Variants in CAPN7 observed in about 807,000 individuals in gnomAD.
CAPN7 encodes calpain-7.
Under a neutral mutation model 115.2 loss-of-function variants are expected in CAPN7, and 72 were observed. The observed-to-expected ratio is 0.63, with a 90% confidence interval of 0.52 to 0.76. The LOEUF (loss-of-function observed/expected upper bound fraction) is 0.76, where lower values mean the gene tolerates loss of function less well. CAPN7 is among the 30% of genes least tolerant of loss of function. CAPN7 has a pLI of 0.00. For missense variants in CAPN7, 905 were observed against 971.5 expected (o/e 0.93, Z 0.91); for synonymous variants, 344 against 322.3 (o/e 1.07, Z -0.72).
intron 2 of CAPN7, among the ~76,000 whole-genome samples, chr3:15,215,953 G>T (rs775852769): frequency 6.6e-6 from 1 of 152,122 alleles, no homozygotes; most frequent in African/African-American, 2.4e-5. Context: ...AAGCGTGATG[G>T]TGCACACATG....
chr3:15,245,467 A>G, intron 16 of CAPN7, 59 bp from the exon 17 acceptor site: 1 of 1,520,150 alleles, frequency 6.6e-7, no homozygotes, highest in East Asian at 2.3e-5. Context: ...TCCTACATCA[A>G]CCATAAAATT....
chr3:15,229,188 T>G, intron 8 of CAPN7, 129 bp downstream of exon 8: 1 of 638,404 alleles, frequency 1.6e-6, no homozygotes, highest in Non-Finnish European at 2.8e-6. Context: ...CTGTAGAAAT[T>G]AAGCAGATGA....
At chr3:15,230,398 G>A in intron 8 of CAPN7, 44 bp from the exon 9 acceptor site, 1 of 1,273,548 alleles carries the variant, frequency 7.9e-7, no homozygotes, top group Non-Finnish European at 1.1e-6. Flanking sequence ...AGTTGATATT[G>A]AATACTAATG....
At chr3:15,244,817 G>A (rs1261357803) in intron 16 of CAPN7, among the ~76,000 whole-genome samples, 1 of 151,878 alleles carries the variant, frequency 6.6e-6, no homozygotes, top group African/African-American at 2.4e-5. Flanking sequence ...TAGATAAAAT[G>A]TCATATTTGT....
rs199601123 is a variant in CAPN7 at position 15,228,979 on chromosome 3, A to C, written c.858A>C (p.Ile286=). The change falls in exon 8 of 21, where the codon ATA becomes ATC. Residue 286 remains isoleucine (I), a synonymous_variant. Transcript: ENST00000253693. The part of the protein sequence containing the change: ...TVSSFSIKQT[I]VSDCSFVASL... ...TTAATTATTCTTATTAACAGACAAT[A>C]GTATCGGATTGCTCCTTTGTGGCAT... 1.9e-6 allele frequency: 3 copies of C among 1,607,508 alleles called. No individual in the cohort carries two copies. The Admixed American group carries it at 5.0e-5, about 27-fold the overall frequency.
chr3:15,244,314 A>G (rs967207728), intron 16 of CAPN7, among the ~76,000 whole-genome samples: 3 of 152,178 alleles, frequency 2.0e-5, no homozygotes, highest in African/African-American at 7.2e-5. Context: ...AAACTAGCCA[A>G]GCTTTCCTTT....
chr3:15,230,432 C>T lies in CAPN7; in HGVS notation c.939-10C>T, dbSNP rs772506760. 1.3e-6 allele frequency: 2 copies of T among 1,568,250 alleles called. No individual in the cohort carries two copies. Among genetic ancestry groups the T allele is most frequent in the Admixed American group, 1.7e-5 (1 of 59,822 alleles). On this transcript the variant is annotated splice_polypyrimidine_tract_variant and intron_variant, in intron 8 of 20. Transcript: ENST00000253693. The stretch of plus-strand genomic sequence containing the variant: ...TGTTGGTATTTTAATATTTATTTTT[C>T]TTACAAAAGCATAATTTACCCTCAA...
At position 15,232,524 on chromosome 3, in the gene CAPN7, A is replaced by G; in HGVS notation, c.1038A>G (p.Ile346Met). The change falls in exon 10 of 21, where the codon ATA becomes ATG. Residue 346 changes from isoleucine (I) to methionine (M), a missense_variant. Ile to Met is a conservative substitution (Grantham distance 10). Coordinates refer to ENST00000253693, the MANE Select transcript of CAPN7 (RefSeq NM_014296.3). ...TTAATGTTCTCTTTCTCCAGGTGAT[A>G]ATTGATGACCAGTTACCTGTTGATC... ...LHLNGVPRKV[I>M]IDDQLPVDHK... is the part of the protein sequence containing the mutation. 1.2e-6 allele frequency: 2 copies of G among 1,601,798 alleles called. No individual in the cohort carries two copies.
chr3:15,246,742 C>T lies in CAPN7; in HGVS notation c.2021C>T (p.Ala674Val). ...TIHYTVRVYS[A>V]CSFTFSKIPS... The stretch of plus-strand genomic sequence containing the variant: ...TTTTTTTAAATCTAGGTATATTCAG[C>T]ATGCAGCTTTACTTTTTCAAAGATT... The change falls in exon 18 of 21, where the codon GCA (alanine) becomes GTA (valine). Residue 674 changes from alanine to valine, a missense_variant. Ala to Val is a moderately conservative substitution (Grantham distance 64, BLOSUM62 0). This residue lies in a region of CAPN7 where 620 missense variants were observed against 703.4 expected (regional missense o/e 0.88). Coordinates refer to ENST00000253693, the MANE Select transcript of CAPN7 (RefSeq NM_014296.3). The T allele has an allele frequency of 1.2e-6, 2 of 1,602,488 alleles. No homozygotes were observed. Among genetic ancestry groups the T allele is most frequent in the South Asian group, 2.2e-5 (2 of 90,286 alleles).
Position 15,217,554 on chromosome 3 carries a change from CAGAAGCTGTGGATCTCTGTCTGAA to C in CAPN7, c.343_366del (p.Glu115_Lys122del). On this transcript the variant is annotated inframe_deletion, in exon 3 of 21. Transcript: ENST00000253693. The stretch of plus-strand genomic sequence containing the variant: ...GTTGAAGATGCTATAGAATTGTACA[CAGAAGCTGTGGATCTCTGTCTGAA>C]AACAGTGTGTATAGCTACAAATTAC... 6.2e-7 allele frequency: 1 copy of C among 1,613,244 alleles called. No homozygotes were observed. Among genetic ancestry groups the C allele is most frequent in the Non-Finnish European group, 8.5e-7 (1 of 1,179,656 alleles).
chr3:15,249,725 T>G (rs17029146), intron 19 of CAPN7, among the ~76,000 whole-genome samples: 7,402 of 152,132 alleles, frequency 0.049, 615 homozygotes, highest in African/African-American at 0.17. Context: ...AGGGCTTTCT[T>G]TCCTGTCCCA....
chr3:15,239,290 A>G (rs1695201021), intron 12 of CAPN7, among the ~76,000 whole-genome samples: 2 of 152,204 alleles, frequency 1.3e-5, no homozygotes, highest in African/African-American at 2.4e-5. Context: ...GATGTCTTCC[A>G]AACAGTTTGA....
chr3:15,210,431 G>C (rs1477319378), intron 1 of CAPN7, among the ~76,000 whole-genome samples: 1 of 151,986 alleles, frequency 6.6e-6, no homozygotes, highest in Non-Finnish European at 1.5e-5. Context: ...TTTAGATAAT[G>C]ATGGTATGTA....
intron 6 of CAPN7, among the ~76,000 whole-genome samples, chr3:15,225,390 A>G (rs752192553): frequency 3.3e-4 from 50 of 152,166 alleles, no homozygotes; most frequent in Admixed American, 6.6e-4. Flanking sequence ...TTTCTTGACA[A>G]TATTCAAATA....
intron 12 of CAPN7, among the ~76,000 whole-genome samples, chr3:15,239,529 T>C (rs950614279): frequency 2.0e-5 from 3 of 152,284 alleles, no homozygotes; most frequent in African/African-American, 7.2e-5. Flanking sequence ...GATGATTACA[T>C]TGGGGAGACA....
chr3:15,242,067 TAG>T (rs1442324446), intron 15 of CAPN7, 109 bp from the exon 16 acceptor site: 49 of 704,068 alleles, frequency 7.0e-5, no homozygotes, highest in Non-Finnish European at 1.2e-4. Context: ...CTCTTAAAAT[TAG>T]AGATTTTTTG....
rs762418377 is a variant in CAPN7 at position 15,220,776 on chromosome 3, T to TA, written c.438-4dup. ...AGAACAGTTGTTTGTTCCTCTCTGT[T>TA]ATAGAGCAGAAGCGCTGAGTGAGCC... On this transcript the variant is annotated splice_region_variant and splice_polypyrimidine_tract_variant and intron_variant, in intron 4 of 20. Coordinates refer to ENST00000253693, the MANE Select transcript of CAPN7 (RefSeq NM_014296.3). 5 of 1,614,030 alleles carry TA rather than the reference T, an allele frequency of 3.1e-6. No individual in the cohort carries two copies. In the African/African-American group the frequency reaches 6.7e-5, roughly 22 times the overall value.
chr3:15,247,485 A>C, intron 19 of CAPN7, 28 bp downstream of exon 19: 1 of 1,566,790 alleles, frequency 6.4e-7, no homozygotes, highest in Non-Finnish European at 8.6e-7. Context: ...TTCTTAAATT[A>C]ATGATGTTCT....
intron 16 of CAPN7, among the ~76,000 whole-genome samples, chr3:15,243,795 G>A (rs1695496660): frequency 2.0e-5 from 3 of 152,076 alleles, no homozygotes; most frequent in Admixed American, 6.5e-5. Flanking sequence ...TGAAGTGGGG[G>A]GAGGGTGGGA....
Sources: allele counts gnomAD v4.1 joint callset (sites outside exome capture counted in the v4.1 genomes callset), GRCh38; gene constraint gnomAD v4.1.1; regional missense constraint gnomAD v4.1.1; transcripts MANE v1.5; gene names NCBI Gene and HGNC (gene_info 2026-07-23, HGNC 2026-07-21).